The following NUP85 variants were observed in gnomAD, a reference collection of about 807,000 sequenced individuals.
The protein encoded by NUP85 is nucleoporin 85.
In NUP85, 23 loss-of-function variants were observed where a neutral mutation model predicts 92.8. The observed-to-expected ratio is 0.25, with a 90% CI of 0.18 to 0.35. The LOEUF (loss-of-function observed/expected upper bound fraction) is 0.35, where lower values mean the gene tolerates loss of function less well. Among genes scored for constraint, NUP85 ranks in the 10% least tolerant of loss-of-function variants. NUP85 has a pLI of 1.00. For synonymous variants in NUP85, 314 were observed against 306.9 expected (o/e 1.02, Z -0.24); for missense variants, 759 against 822.8 (o/e 0.92, Z 0.95).
intron 5 of NUP85, among the ~76,000 whole-genome samples, chr17:75,214,308 T>G (rs887714998): frequency 3.3e-5 from 5 of 152,128 alleles, no homozygotes; most frequent in Non-Finnish European, 5.9e-5. Flanking sequence ...TATGAACAAG[T>G]CATCATGGTG....
chr17:75,215,949 C>T, intron 6 of NUP85, 126 bp downstream of exon 6: 1 of 849,614 alleles, frequency 1.2e-6, no homozygotes, highest in South Asian at 1.6e-5. Context: ...TCATTATAAC[C>T]ACGGGAAGTC....
intron 11 of NUP85, among the ~76,000 whole-genome samples, chr17:75,229,396 G>A (rs1240246115): frequency 6.6e-6 from 1 of 152,190 alleles, no homozygotes; most frequent in Non-Finnish European, 1.5e-5. Flanking sequence ...TGGGGCTACA[G>A]TTGCTTAGAG....
intron 11 of NUP85, chr17:75,226,672 C>A: frequency 2.5e-6 from 1 of 398,270 alleles, no homozygotes; most frequent in Non-Finnish European, 5.0e-6. Flanking sequence ...TAGATAATGG[C>A]TTTTCTCTGG....
chr17:75,227,433 T>C (rs1358828544), intron 11 of NUP85, among the ~76,000 whole-genome samples: 1 of 148,708 alleles, frequency 6.7e-6, no homozygotes, highest in African/African-American at 2.5e-5. Flanking sequence ...CCTACTGGGT[T>C]CCAGCAATTC....
Position 75,212,252 on chromosome 17 carries a change from T to G in NUP85, c.361+190T>G, listed in dbSNP as rs1178292728. Among the ~76,000 whole-genome samples the G allele has an allele frequency of 3.1e-3, 12 of 3,818 alleles. No individual in the cohort carries two copies. In the South Asian group the frequency reaches 0.045, roughly 14 times the overall value. The allele number at this position is 3,818 out of a possible 152,430, so 2.5% of individuals were successfully genotyped here. ...AGGTTTTTTTTTTTGTTGTTGTTTTTTTTTTTTTTTTTTTTTTTTTTTTTT... is the reference window on the plus strand; with the variant it reads ...AGGTTTTTTTTTTTGTTGTTGTTTTGTTTTTTTTTTTTTTTTTTTTTTTTT... On this transcript the variant is annotated intron_variant, in intron 4 of 18. Coordinates refer to ENST00000245544, the MANE Select transcript of NUP85 (RefSeq NM_024844.5).
Position 75,235,692 on chromosome 17 carries a change from T to C in NUP85, c.*13T>C. The C allele has an allele frequency of 6.4e-7, 1 of 1,571,782 alleles. No individual in the cohort carries two copies. The highest frequency in any genetic ancestry group is 8.8e-7 in the Non-Finnish European group (1 of 1,142,712). ...GGAAGGTTCCTGAGAACTGCTTCAA[T>C]GTGGTATCTTTGTATGGCAATGTAT... On this transcript the variant is annotated 3_prime_UTR_variant, in exon 19 of 19. Coordinates refer to ENST00000245544, the MANE Select transcript of NUP85 (RefSeq NM_024844.5).
chr17:75,212,292 C>T (rs565416416), intron 4 of NUP85, among the ~76,000 whole-genome samples: 4 of 90,252 alleles, frequency 4.4e-5, no homozygotes, highest in African/African-American at 2.2e-4. Context: ...TTTTTGAGAC[C>T]GAGTGTTGCT....
intron 16 of NUP85, among the ~76,000 whole-genome samples, chr17:75,234,419 T>C (rs2076241786): frequency 1.3e-5 from 2 of 152,204 alleles, no homozygotes; most frequent in South Asian, 2.1e-4. Context: ...TTTCCCCAGA[T>C]TTGGCTCTTC....
intron 2 of NUP85, among the ~76,000 whole-genome samples, chr17:75,209,201 C>T (rs1274841334): frequency 1.3e-5 from 2 of 152,096 alleles, no homozygotes; most frequent in Admixed American, 6.6e-5. Flanking sequence ...CTTGCAGATG[C>T]TTGGCCGTCA....
intron 3 of NUP85, among the ~76,000 whole-genome samples, chr17:75,210,677 G>A (rs2075228509): frequency 6.6e-6 from 1 of 152,158 alleles, no homozygotes; most frequent in Non-Finnish European, 1.5e-5. Context: ...TTCTGTGTGA[G>A]TGTGTGCAAG....
intron 14 of NUP85, among the ~76,000 whole-genome samples, chr17:75,232,530 A>G (rs1293137798): frequency 6.6e-6 from 1 of 152,182 alleles, no homozygotes; most frequent in Non-Finnish European, 1.5e-5. Flanking sequence ...GAGAGGTAAT[A>G]GAAGAGCTGA....
chr17:75,212,247 G>GTTTTTTTTTGTTTTTTTTTTTTTTTTTT (rs2075294230), intron 4 of NUP85, among the ~76,000 whole-genome samples, 185 bp downstream of exon 4: 1 of 3,670 alleles, frequency 2.7e-4, no homozygotes, highest in African/African-American at 3.4e-4. Context: ...TTTTGTTGTT[G>GTTTTTTTTTGTTTTTTTTTTTTTTTTTT]TTTTTTTTTT....
intron 11 of NUP85, 148 bp downstream of exon 11, chr17:75,226,305 T>C (rs1304816564): frequency 3.2e-6 from 2 of 626,406 alleles, no homozygotes; most frequent in Non-Finnish European, 5.6e-6. Context: ...ACAGAATACC[T>C]GAGACCAGAT....
rs1446019691 is a variant in NUP85, at chr17:75,218,166, T to C, written c.476-19T>C. On this transcript the variant is annotated intron_variant, in intron 6 of 18. Transcript: ENST00000245544. ...ATGAAGCTGAGGCTTTTGTGTGTGA[T>C]GAGAGTCTCTCCTCCCAGCTGGCCC... 10 of 1,613,560 alleles carry C rather than the reference T, an allele frequency of 6.2e-6. No individual in the cohort carries two copies. Among genetic ancestry groups the C allele is most frequent in the Non-Finnish European group, 8.5e-6 (10 of 1,179,704 alleles).
intron 16 of NUP85, among the ~76,000 whole-genome samples, chr17:75,234,065 T>C (rs938773171): frequency 6.7e-6 from 1 of 149,224 alleles, no homozygotes; most frequent in African/African-American, 2.5e-5. Flanking sequence ...TTTTTTTTTT[T>C]TTTTGAGACG....
Position 75,235,748 on chromosome 17 carries a change from T to G in NUP85, c.*69T>G. The G allele has an allele frequency of 8.1e-7, 1 of 1,240,732 alleles. No individual in the cohort carries two copies. The highest frequency in any genetic ancestry group is 1.3e-5 in the South Asian group (1 of 79,334). 76.9% of individuals were successfully genotyped at this position (1,240,732 alleles called of 1,614,324 possible). Reference sequence around the variant, plus strand: ...TTTTTTTAAAAGAATAAATGTTGTTTTGCAAATGTAGGTTCTTAGAGTCCA... The same window carrying G: ...TTTTTTTAAAAGAATAAATGTTGTTGTGCAAATGTAGGTTCTTAGAGTCCA... On this transcript the variant is annotated 3_prime_UTR_variant, in exon 19 of 19. Transcript: ENST00000245544.
In NUP85 at chr17:75,226,103, A is replaced by G. The variant is rs753844740; in HGVS notation, c.1040A>G (p.Asn347Ser). The G allele has an allele frequency of 3.1e-6, 5 of 1,614,058 alleles. No homozygotes were observed. In the South Asian group the frequency reaches 3.3e-5, roughly 11 times the overall value. ...GAGAGCAGCCCAGAACCCCTGGACA[A>G]CATCTTGTTGGCAGCCTTTGAGTTT... ...GGESSPEPLD[N>S]ILLAAFEFDI... The change falls in exon 11 of 19, where the codon AAC becomes AGC. Residue 347 changes from asparagine (N) to serine (S), a missense_variant. Physicochemically the swap from Asn to Ser is conservative, Grantham distance 46. Coordinates refer to ENST00000245544, the MANE Select transcript of NUP85 (RefSeq NM_024844.5).
At chr17:75,209,509 T>G (rs1016642369) in intron 2 of NUP85, among the ~76,000 whole-genome samples, 1 of 150,804 alleles carries the variant, frequency 6.6e-6, no homozygotes, top group South Asian at 2.1e-4. Flanking sequence ...AGTGGTGTGA[T>G]CTCGGCTCAC....
Position 75,231,420 on chromosome 17 carries a change from T to G in NUP85, c.1175T>G (p.Leu392Arg). 1 of 1,614,010 alleles carries G rather than the reference T, an allele frequency of 6.2e-7. No homozygotes were observed. The highest frequency in any genetic ancestry group is 2.2e-5 in the East Asian group (1 of 44,868). ...DHCKLLQSHN[L>R]YFGSNMREFL... ...TGCAAGCTCCTCCAGTCACACAACC[T>G]CTAGTAAGTGGCCGGGAGGCACCGA... Residue 392 changes from leucine to arginine, a missense_variant, in exon 12 of 19, where the codon CTC becomes CGC. Transcript: ENST00000245544. The surrounding 1 kb of genome is among the most constrained non-coding windows in gnomAD (Gnocchi z 4.6).
Sources: gnomAD v4.1 joint callset for allele counts (sites outside exome capture counted in the v4.1 genomes callset) on GRCh38, gnomAD v4.1.1 for gene constraint, Gnocchi (gnomAD v3.1) non-coding constraint, MANE v1.5 for transcripts, NCBI Gene and HGNC (gene_info 2026-07-23, HGNC 2026-07-21) for gene names.